The following ASPH variants were observed in gnomAD, a reference collection of about 807,000 sequenced individuals.
ASPH encodes the protein aspartyl/asparaginyl beta-hydroxylase.
ASPH carries 100 observed loss-of-function variants against 118.4 expected under a neutral mutation model. That is an observed-to-expected ratio of 0.84 (90% CI 0.72 to 1.00). The LOEUF (loss-of-function observed/expected upper bound fraction) is 1.00, where lower values mean the gene tolerates loss of function less well. Ranked by LOEUF, ASPH falls within the 50% of genes least tolerant of loss-of-function variation. The pLI is 0.00. For missense variants in ASPH, 920 were observed against 919.5 expected (o/e 1.00, Z -0.01); for synonymous variants, 315 against 325.6 (o/e 0.97, Z 0.35).
chr8:61,702,280 CTTTT>C lies in ASPH; in HGVS notation c.103+11985_103+11988del, dbSNP rs71257379. On this transcript the variant is annotated intron_variant, in intron 1 of 24. Transcript: ENST00000379454. Reference sequence around the variant, plus strand: ...AATGAGTTTTACCAAATAGCTACTTCTTTTTTTTTTTTTTTTTTTTTTTTGACAG... The same window carrying C: ...AATGAGTTTTACCAAATAGCTACTTCTTTTTTTTTTTTTTTTTTTTGACAG... Among the ~76,000 whole-genome samples, 154 of 123,380 alleles carry C rather than the reference CTTTT, an allele frequency of 1.2e-3. 1 individual carries two copies. The highest frequency in any genetic ancestry group is 3.8e-3 in the African/African-American group (125 of 32,626). 80.9% of individuals were successfully genotyped at this position (123,380 alleles called of 152,430 possible). A position where few individuals can be genotyped will look rare whatever the true frequency, so the allele number is the denominator to read the frequency against.
intron 14 of ASPH, among the ~76,000 whole-genome samples, chr8:61,612,061 C>T (rs1362045101): frequency 6.7e-6 from 1 of 149,982 alleles, no homozygotes; most frequent in African/African-American, 2.4e-5. Flanking sequence ...ACTGCAGCTG[C>T]CTGCCATTGT....
intron 24 of ASPH, among the ~76,000 whole-genome samples, chr8:61,506,544 G>C (rs1806653261): frequency 2.0e-5 from 3 of 152,136 alleles, no homozygotes; most frequent in Non-Finnish European, 4.4e-5. Flanking sequence ...TGTGGTAGAG[G>C]AGAAAGAAAG....
At chr8:61,709,292 C>G (rs1837494941) in intron 1 of ASPH, among the ~76,000 whole-genome samples, 1 of 152,050 alleles carries the variant, frequency 6.6e-6, no homozygotes, top group South Asian at 2.1e-4. Context: ...TAATGACTAA[C>G]AAGAAAATAC....
In ASPH at chr8:61,629,401, G is replaced by T. The variant is rs560346862; in HGVS notation, c.934+4282C>A. 1.8e-3 allele frequency among the ~76,000 whole-genome samples: 276 copies of T among 152,308 alleles called. 2 individuals are homozygous for T. Among genetic ancestry groups the T allele is most frequent in the Non-Finnish European group, 2.7e-3 (187 of 68,026 alleles). On this transcript the variant is annotated intron_variant, in intron 13 of 24. Coordinates refer to ENST00000379454, the MANE Select transcript of ASPH (RefSeq NM_004318.4). The stretch of plus-strand genomic sequence containing the variant: ...CATTTGTGTTGTGTATATTTATGCT[G>T]TCAGATTGCTACAAATATGCTGTAT...
At chr8:61,700,020 T>C (rs1002658576) in intron 1 of ASPH, among the ~76,000 whole-genome samples, 1 of 152,214 alleles carries the variant, frequency 6.6e-6, no homozygotes, top group African/African-American at 2.4e-5. Flanking sequence ...TACCAGCGTT[T>C]GTACCATTTT....
chr8:61,659,060 T>C (rs72659032), intron 3 of ASPH: 27,989 of 152,310 alleles, frequency 0.18, 2,709 homozygotes, highest in South Asian at 0.35. Flanking sequence ...CTGGGCTGGG[T>C]CCCGTGGGAG....
At chr8:61,555,664 TAAC>T (rs1163499789) in intron 19 of ASPH, among the ~76,000 whole-genome samples, 3 of 152,224 alleles carry the variant, frequency 2.0e-5, no homozygotes, top group Non-Finnish European at 4.4e-5. Context: ...TAAAAACTAA[TAAC>T]AACTTCAGTT....
intron 13 of ASPH, 86 bp downstream of exon 13, chr8:61,633,597 G>A (rs371687934): frequency 3.4e-5 from 41 of 1,193,468 alleles, no homozygotes; most frequent in Admixed American, 2.4e-4. Context: ...TTTATCCTTC[G>A]TAGATTCATT....
chr8:61,611,266 C>G (rs536370519), intron 14 of ASPH, among the ~76,000 whole-genome samples: 1 of 152,346 alleles, frequency 6.6e-6, no homozygotes, highest in African/African-American at 2.4e-5. Flanking sequence ...TATATGGACA[C>G]AGCTTCTTGT....
rs556553226 is a variant in ASPH at position 61,501,230 on chromosome 8, G to A, written c.*2129C>T. On this transcript the variant is annotated 3_prime_UTR_variant, in exon 25 of 25. Transcript: ENST00000379454. ...GGTAAGAGAAATAAAGAATTGAAGT[G>A]AATTAGAAAATCCATTTTATTGCTT... is the stretch of plus-strand genomic sequence containing the variant. 3 of 152,240 alleles carry A rather than the reference G, an allele frequency of 2.0e-5. No individual in the cohort carries two copies. The South Asian group carries it at 6.2e-4, about 32-fold the overall frequency. 9.4% of individuals were successfully genotyped at this position (152,240 alleles called of 1,614,324 possible).
At chr8:61,624,759 T>C (rs1408655487) in intron 13 of ASPH, 5 of 985,712 alleles carry the variant, frequency 5.1e-6, no homozygotes, top group Admixed American at 6.2e-5. Context: ...TACTCATTCA[T>C]CAGTTCTATG....
intron 2 of ASPH, chr8:61,682,330 T>C: frequency 1.8e-6 from 2 of 1,138,722 alleles, no homozygotes; most frequent in Non-Finnish European, 1.3e-6. Flanking sequence ...AATGGGAAAT[T>C]GGTCCTATCA....
intron 24 of ASPH, among the ~76,000 whole-genome samples, chr8:61,514,952 G>T (rs1398467071): frequency 1.3e-5 from 2 of 151,260 alleles, no homozygotes; most frequent in Non-Finnish European, 2.9e-5. Flanking sequence ...AGGCAGGGAG[G>T]CAGGAGGCGG....
chr8:61,658,051 G>T (rs1212254651), intron 3 of ASPH: 1 of 152,074 alleles, frequency 6.6e-6, no homozygotes, highest in East Asian at 1.9e-4. Flanking sequence ...TTTATCCCAA[G>T]AATAAGGCTC....
chr8:61,698,241 A>AT (rs1049804616), intron 1 of ASPH, among the ~76,000 whole-genome samples: 22 of 152,266 alleles, frequency 1.4e-4, no homozygotes, highest in African/African-American at 5.1e-4. Flanking sequence ...AAACAGCTGG[A>AT]TTGGCTACAG....
At chr8:61,510,670 C>T (rs748642595) in intron 24 of ASPH, among the ~76,000 whole-genome samples, 5 of 152,210 alleles carry the variant, frequency 3.3e-5, no homozygotes, top group Non-Finnish European at 7.3e-5. Flanking sequence ...GCCACAGACA[C>T]ACCATTGGGT....
chr8:61,688,689 C>T (rs965172777), intron 1 of ASPH, among the ~76,000 whole-genome samples: 3 of 152,122 alleles, frequency 2.0e-5, no homozygotes, highest in African/African-American at 7.2e-5. Context: ...ATTATTTTTC[C>T]ATGCTATAAA....
chr8:61,699,224 C>T (rs1308522523), intron 1 of ASPH, among the ~76,000 whole-genome samples: 3 of 152,204 alleles, frequency 2.0e-5, no homozygotes. Context: ...CAGGTGATGC[C>T]CTAACAGCGG....
intron 18 of ASPH, among the ~76,000 whole-genome samples, chr8:61,562,148 T>C (rs1034958258): frequency 1.3e-5 from 2 of 152,174 alleles, no homozygotes; most frequent in African/African-American, 4.8e-5. Flanking sequence ...AATGAATTCC[T>C]CCACTGCCTA....
Sources: allele counts gnomAD v4.1 joint callset (sites outside exome capture counted in the v4.1 genomes callset), GRCh38; gene constraint gnomAD v4.1.1; transcripts MANE v1.5; gene names NCBI Gene and HGNC (gene_info 2026-07-23, HGNC 2026-07-21).